The following PECR variants were observed in gnomAD, a reference collection of about 807,000 sequenced individuals.
The protein encoded by PECR is peroxisomal trans-2-enoyl-CoA reductase.
Under a neutral mutation model 35.3 loss-of-function variants are expected in PECR, and 30 were observed. The observed-to-expected ratio is 0.85, with a 90% CI of 0.64 to 1.15. The LOEUF is 1.15. Among genes scored for constraint, PECR ranks in the 50% most tolerant of loss-of-function variants. PECR has a pLI of 0.00. For missense variants in PECR, 392 were observed against 370.8 expected (o/e 1.06, Z -0.47); for synonymous variants, 148 against 138.9 (o/e 1.07, Z -0.46).
intron 1 of PECR, among the ~76,000 whole-genome samples, chr2:216,072,133 C>T (rs1379309337): frequency 6.6e-6 from 1 of 152,310 alleles, no homozygotes; most frequent in South Asian, 2.1e-4. Flanking sequence ...CAGTTATAGG[C>T]TGTTTTCACC....
At chr2:216,069,796 T>C (rs1346793016) in intron 1 of PECR, among the ~76,000 whole-genome samples, 2 of 151,678 alleles carry the variant, frequency 1.3e-5, no homozygotes, top group East Asian at 1.9e-4. Context: ...ATTAGCCAGG[T>C]GTGGTGGTGG....
chr2:216,067,227 T>G (rs1281069620), intron 1 of PECR, among the ~76,000 whole-genome samples: 1 of 152,078 alleles, frequency 6.6e-6, no homozygotes, highest in Non-Finnish European at 1.5e-5. Context: ...GAGCGAGAAC[T>G]CCAGAGATCT....
intron 6 of PECR, among the ~76,000 whole-genome samples, chr2:216,046,293 C>CATATATAT (rs1262407345): frequency 1.0e-5 from 1 of 98,420 alleles, no homozygotes; most frequent in South Asian, 3.0e-4. Context: ...TATATACATA[C>CATATATAT]ATATATATAT....
intron 7 of PECR, among the ~76,000 whole-genome samples, chr2:216,042,996 C>CACACATAT (rs1559207735): frequency 4.2e-5 from 5 of 119,444 alleles, no homozygotes; most frequent in Middle Eastern, 5.3e-3. Context: ...TATATACATA[C>CACACATAT]GTATATGTGT....
intron 5 of PECR, among the ~76,000 whole-genome samples, chr2:216,050,054 C>CA (rs534150114): frequency 4.7e-4 from 72 of 152,080 alleles, no homozygotes; most frequent in Middle Eastern, 3.4e-3. Context: ...TATGTCTCTA[C>CA]AAAAAATATA....
chr2:216,039,930 A>G (rs1694858453), intron 7 of PECR, among the ~76,000 whole-genome samples: 1 of 152,240 alleles, frequency 6.6e-6, no homozygotes, highest in Non-Finnish European at 1.5e-5. Flanking sequence ...TTGATCGAAT[A>G]TAGAGTGGAT....
At chr2:216,046,310 A>ATATATATATATTTT (rs1553560626) in intron 6 of PECR, among the ~76,000 whole-genome samples, 24 of 96,944 alleles carry the variant, frequency 2.5e-4, no homozygotes, top group African/African-American at 1.1e-3. Flanking sequence ...ATATATATAT[A>ATATATATATATTTT]TTTTTTTTTT....
At chr2:216,060,390 G>A (rs548551254) in intron 3 of PECR, among the ~76,000 whole-genome samples, 86 of 152,258 alleles carry the variant, frequency 5.6e-4, no homozygotes, top group African/African-American at 1.6e-3. Context: ...GGCTAGGAGT[G>A]GTGGCTCACA....
intron 2 of PECR, among the ~76,000 whole-genome samples, chr2:216,065,715 A>G (rs1225502292): frequency 2.0e-5 from 3 of 152,206 alleles, no homozygotes; most frequent in Non-Finnish European, 2.9e-5. Context: ...TGACGACAAG[A>G]TATATCCAAG....
At chr2:216,068,502 C>T (rs368871184) in intron 1 of PECR, among the ~76,000 whole-genome samples, 37 of 151,968 alleles carry the variant, frequency 2.4e-4, no homozygotes, top group African/African-American at 8.2e-4. Flanking sequence ...AAGACTTTTT[C>T]ACACATATGA....
chr2:216,079,391 TGA>T (rs1695781185), intron 1 of PECR, among the ~76,000 whole-genome samples: 1 of 151,128 alleles, frequency 6.6e-6, no homozygotes, highest in African/African-American at 2.4e-5. Context: ...TTTTTGATAC[TGA>T]GTCTTGCTCT....
Position 216,061,710 on chromosome 2 carries a change from A to G in PECR, c.425-2734T>C, listed in dbSNP as rs569551910. ...ATGGATTTTTTTTAGAGTACAAGAAACTAAAGAGACATAAAAAAATGCAAT... is the reference window on the plus strand; with the variant it reads ...ATGGATTTTTTTTAGAGTACAAGAAGCTAAAGAGACATAAAAAAATGCAAT... On this transcript the variant is annotated intron_variant, in intron 3 of 7. Coordinates refer to ENST00000265322, the MANE Select transcript of PECR (RefSeq NM_018441.6). Among the ~76,000 whole-genome samples the G allele has an allele frequency of 1.9e-3, 284 of 152,288 alleles. 1 individual carries two copies. The highest frequency in any genetic ancestry group is 6.7e-3 in the African/African-American group (277 of 41,548).
intron 5 of PECR, among the ~76,000 whole-genome samples, chr2:216,050,171 G>A (rs919004650): frequency 2.0e-5 from 3 of 152,126 alleles, no homozygotes; most frequent in Admixed American, 2.0e-4. Flanking sequence ...GCAGTGAGCC[G>A]TGATCGCACT....
At chr2:216,079,778 T>TG (rs1695792912) in intron 1 of PECR, among the ~76,000 whole-genome samples, 1 of 149,870 alleles carries the variant, frequency 6.7e-6, no homozygotes, top group African/African-American at 2.4e-5. Context: ...GGTCGGGAGT[T>TG]GGAGACCAGC....
At chr2:216,075,629 C>T (rs1314140804) in intron 1 of PECR, among the ~76,000 whole-genome samples, 1 of 152,178 alleles carries the variant, frequency 6.6e-6, no homozygotes. Flanking sequence ...GAAAGCTCAA[C>T]TGACCTGCTT....
intron 1 of PECR, among the ~76,000 whole-genome samples, chr2:216,076,580 A>T (rs972636608): frequency 6.6e-6 from 1 of 152,168 alleles, no homozygotes; most frequent in African/African-American, 2.4e-5. Flanking sequence ...CCGGCAGATA[A>T]CTTGAGGTCA....
At chr2:216,038,281 C>A (rs990088726), downstream of PECR, 3 of 152,150 alleles carry the variant, frequency 2.0e-5, no homozygotes, top group African/African-American at 4.8e-5. Context: ...AACCCTAATA[C>A]ATTTGCATGC....
chr2:216,049,147 G>A (rs1181675153), intron 6 of PECR, 116 bp downstream of exon 6: 1 of 763,446 alleles, frequency 1.3e-6, no homozygotes. Context: ...CAGGGGAAAT[G>A]TTCTGCTGGC....
At chr2:216,060,381 G>T (rs944649962) in intron 3 of PECR, among the ~76,000 whole-genome samples, 4 of 152,140 alleles carry the variant, frequency 2.6e-5, no homozygotes, top group African/African-American at 7.2e-5. Context: ...ATCATTCCCG[G>T]CTAGGAGTGG....
Sources: allele counts gnomAD v4.1 joint callset (sites outside exome capture counted in the v4.1 genomes callset), GRCh38; gene constraint gnomAD v4.1.1; transcripts MANE v1.5; gene names NCBI Gene and HGNC (gene_info 2026-07-23, HGNC 2026-07-21).